Variants in TUT4 observed in about 807,000 individuals in gnomAD.
TUT4 encodes the protein terminal uridylyl transferase 4.
TUT4 carries 36 observed loss-of-function variants against 192.2 expected under a neutral mutation model. That is an observed-to-expected ratio of 0.19 (90% CI 0.14 to 0.25). The LOEUF is 0.25. TUT4 is among the 10% of genes least tolerant of loss of function. The probability of loss-of-function intolerance (pLI) is 1.00; values close to 1 mark genes in which losing one functional copy is unlikely to be tolerated. For missense variants in TUT4, 1,493 were observed against 1,957.2 expected, an observed-to-expected ratio of 0.76 and a Z score of 4.47; for synonymous variants, 618 against 666.0, an observed-to-expected ratio of 0.93 and a Z score of 1.11.
chr1:52,425,226 A>G (rs1468633531), intron 29 of TUT4, 123 bp downstream of exon 29: 1 of 1,233,768 alleles, frequency 8.1e-7, no homozygotes, highest in Non-Finnish European at 1.1e-6. Flanking sequence ...ACACAGTATA[A>G]TTTCTCAGTA....
rs752747844 is a variant in TUT4, at chr1:52,445,886, A to G, written c.3740-17T>C. On this transcript the variant is annotated splice_polypyrimidine_tract_variant and intron_variant, in intron 23 of 29. Transcript: ENST00000257177. ...AATTGGTCACTATTAAAGAAAGAAG[A>G]AAACAATAAAGATGCAGACATTAAT... 2.5e-5 allele frequency: 40 copies of G among 1,604,762 alleles called. No individual in the cohort carries two copies.
intron 7 of TUT4, among the ~76,000 whole-genome samples, chr1:52,492,143 G>A (rs1264278246): frequency 6.6e-6 from 1 of 152,042 alleles, no homozygotes; most frequent in Non-Finnish European, 1.5e-5. Context: ...AAACTTAAAA[G>A]TTTTTCGGCA....
intron 1 of TUT4, among the ~76,000 whole-genome samples, chr1:52,547,947 A>G (rs1276575758): frequency 1.3e-5 from 2 of 152,166 alleles, no homozygotes; most frequent in Non-Finnish European, 2.9e-5. Flanking sequence ...AACCTTATAA[A>G]TATACTAAAA....
At chr1:52,428,489 G>A (rs749722227) in intron 28 of TUT4, among the ~76,000 whole-genome samples, 49 of 152,100 alleles carry the variant, frequency 3.2e-4, no homozygotes, top group Non-Finnish European at 6.5e-4. Context: ...AGCTAGGCGT[G>A]GTGGCAGGCG....
At position 52,526,065 on chromosome 1, in the gene TUT4, T is replaced by A. The variant is rs889819535; in HGVS notation, c.216A>T (p.Ser72=). The change falls in exon 2 of 30, where the codon TCA becomes TCT. Residue 72 remains serine (S), a synonymous_variant. Transcript: ENST00000257177. ...DICIEKTEVK[S]CKVNAANLPG... is the part of the protein sequence containing the mutation. ...GAAGGTTGGCAGCATTTACTTTACA[T>A]GATTTAACTTCTGTTTTTTCTATAC... The A allele has an allele frequency of 6.2e-7, 1 of 1,610,754 alleles. No homozygotes were observed. The highest frequency in any genetic ancestry group is 8.5e-7 in the Non-Finnish European group (1 of 1,179,106).
chr1:52,536,569 T>C (rs768258374), intron 1 of TUT4, among the ~76,000 whole-genome samples: 42 of 152,156 alleles, frequency 2.8e-4, no homozygotes, highest in Admixed American at 2.7e-3. Context: ...AAAAGAGAGA[T>C]TGGCCAGGCG....
intron 24 of TUT4, among the ~76,000 whole-genome samples, chr1:52,442,481 A>G (rs1655952723): frequency 6.6e-6 from 1 of 152,230 alleles, no homozygotes. Context: ...ATTTTTGACC[A>G]TACAGGTTGA....
At chr1:52,551,721 GCTTTT>G (rs1689501694) in intron 1 of TUT4, among the ~76,000 whole-genome samples, 1 of 152,082 alleles carries the variant, frequency 6.6e-6, no homozygotes, top group Admixed American at 6.6e-5. Flanking sequence ...CACAAAGTCG[GCTTTT>G]CTTTTTAAAC....
chr1:52,471,307 G>A (rs755514058), intron 14 of TUT4, among the ~76,000 whole-genome samples: 12 of 152,136 alleles, frequency 7.9e-5, no homozygotes, highest in South Asian at 2.1e-4. Flanking sequence ...GGGCCACTGC[G>A]CCCGGCCACT....
At chr1:52,465,268 C>T in intron 15 of TUT4, 95 bp from the exon 16 acceptor site, 1 of 734,838 alleles carries the variant, frequency 1.4e-6, no homozygotes, top group Non-Finnish European at 2.2e-6. Context: ...ATGCTCTTGT[C>T]CATTTCTATG....
intron 27 of TUT4, chr1:52,433,968 A>G (rs1652930118): frequency 1.3e-5 from 2 of 152,346 alleles, no homozygotes; most frequent in African/African-American, 2.4e-5. Flanking sequence ...TAAAGCTAAA[A>G]TAACAATGTT....
At chr1:52,519,943 C>T (rs1279186456) in intron 2 of TUT4, among the ~76,000 whole-genome samples, 8 of 151,890 alleles carry the variant, frequency 5.3e-5, no homozygotes, top group African/African-American at 9.7e-5. Context: ...TGCTTGAACC[C>T]GGGAGGCGGT....
intron 2 of TUT4, among the ~76,000 whole-genome samples, chr1:52,521,057 G>C (rs1333906792): frequency 6.6e-6 from 1 of 152,034 alleles, no homozygotes; most frequent in Non-Finnish European, 1.5e-5. Context: ...GCCTCCCAAA[G>C]TGCTGGGATT....
At chr1:52,486,709 A>G (rs2149032101) in intron 9 of TUT4, among the ~76,000 whole-genome samples, 1 of 152,346 alleles carries the variant, frequency 6.6e-6, no homozygotes, top group South Asian at 2.1e-4. Flanking sequence ...AACAGAAAGA[A>G]ACCATTCTAC....
chr1:52,549,647 C>T (rs1200798209), intron 1 of TUT4, among the ~76,000 whole-genome samples: 1 of 152,174 alleles, frequency 6.6e-6, no homozygotes, highest in African/African-American at 2.4e-5. Flanking sequence ...AAATAATACA[C>T]CTGAAAAGCA....
At position 52,475,451 on chromosome 1, in the gene TUT4, G is replaced by A; in HGVS notation, c.2108C>T (p.Ala703Val). The change falls in exon 13 of 30, where the codon GCT (alanine) becomes GTT (valine). Residue 703 changes from alanine (A) to valine (V), a missense_variant. Ala to Val is a moderately conservative substitution (Grantham distance 64). This residue lies in a region of TUT4 where 437 missense variants were observed against 577.6 expected (regional missense o/e 0.76). Coordinates refer to ENST00000257177, the MANE Select transcript of TUT4 (RefSeq NM_001009881.3). ...YEYVVERFRA[A>V]YRYFACPQTK... is the part of the protein sequence containing the mutation. ...CTGAGGACAGGCAAAATACCGATAA[G>A]CTGCCCTAAATCTCTCCACAACATA... 3 of 1,614,022 alleles carry A rather than the reference G, an allele frequency of 1.9e-6. No individual in the cohort carries two copies. The highest frequency in any genetic ancestry group is 2.5e-6 in the Non-Finnish European group (3 of 1,180,034).
chr1:52,502,266 T>G (rs969482254), intron 4 of TUT4, among the ~76,000 whole-genome samples: 2 of 151,966 alleles, frequency 1.3e-5, no homozygotes, highest in Non-Finnish European at 2.9e-5. Flanking sequence ...CCCTCCACCC[T>G]CTCCAATATT....
chr1:52,426,574 G>GC (rs1650031406), intron 28 of TUT4, among the ~76,000 whole-genome samples: 1 of 152,012 alleles, frequency 6.6e-6, no homozygotes, highest in Non-Finnish European at 1.5e-5. Context: ...AAAAACTAAA[G>GC]CCCGTGTGAA....
chr1:52,429,100 T>C (rs1405642000), intron 28 of TUT4, among the ~76,000 whole-genome samples: 3 of 149,410 alleles, frequency 2.0e-5, no homozygotes, highest in African/African-American at 5.0e-5. Context: ...TTTTTTTTTT[T>C]TGAGATGGAG....
Sources: allele counts gnomAD v4.1 joint callset (sites outside exome capture counted in the v4.1 genomes callset), GRCh38; gene constraint gnomAD v4.1.1; regional missense constraint gnomAD v4.1.1; transcripts MANE v1.5; gene names NCBI Gene and HGNC (gene_info 2026-07-23, HGNC 2026-07-21).